DSCAML1: variants seen among roughly 807,000 people sequenced by gnomAD.
The protein encoded by DSCAML1 is cell adhesion molecule DSCAML1.
Under a neutral mutation model 200.5 loss-of-function variants are expected in DSCAML1, and 38 were observed. The observed-to-expected ratio is 0.19, with a 90% CI of 0.15 to 0.25. The LOEUF (loss-of-function observed/expected upper bound fraction) is 0.25. Among genes scored for constraint, DSCAML1 ranks in the 10% least tolerant of loss-of-function variants. The pLI is 1.00. For synonymous variants in DSCAML1, 1,215 were observed against 1,165.0 expected, an observed-to-expected ratio of 1.04 and a Z score of -0.87; for missense variants, 2,223 against 2,858.8, an observed-to-expected ratio of 0.78 and a Z score of 5.07.
chr11:117,626,585 G>T (rs2052051392), intron 3 of DSCAML1, among the ~76,000 whole-genome samples: 1 of 152,152 alleles, frequency 6.6e-6, no homozygotes, highest in Non-Finnish European at 1.5e-5. Flanking sequence ...AAGGGTGCTG[G>T]TCATGCTGCC....
rs569012201 is a variant in DSCAML1 at position 117,690,991 on chromosome 11, G to A, written c.511+85800C>T. ...GCCAGAAAACCTCCCTAGGGCTCCC[G>A]TGACACATGCGTTTGGCCCTTCGAG... On this transcript the variant is annotated intron_variant, in intron 3 of 32. Transcript: ENST00000651296. Among the ~76,000 whole-genome samples the A allele has an allele frequency of 7.9e-5, 12 of 152,268 alleles. No individual in the cohort carries two copies. In the East Asian group the frequency reaches 1.9e-3, roughly 24 times the overall value.
At chr11:117,513,783 G>C (rs1000515611) in intron 8 of DSCAML1, among the ~76,000 whole-genome samples, 5 of 148,586 alleles carry the variant, frequency 3.4e-5, no homozygotes, top group Admixed American at 6.7e-5. Context: ...TGGGCTCAAA[G>C]TGAGGTTTCC....
intron 14 of DSCAML1, among the ~76,000 whole-genome samples, chr11:117,474,558 C>T (rs535330600): frequency 9.9e-5 from 15 of 152,256 alleles, no homozygotes; most frequent in Admixed American, 6.5e-4. Flanking sequence ...TTTTAGTTGA[C>T]GGCTCATCTT....
At chr11:117,734,903 G>A (rs2054291302) in intron 3 of DSCAML1, among the ~76,000 whole-genome samples, 1 of 152,200 alleles carries the variant, frequency 6.6e-6, no homozygotes. Flanking sequence ...AAAGCCAGGG[G>A]CGGAGCTGCT....
At chr11:117,610,198 A>G (rs1474539800) in intron 3 of DSCAML1, among the ~76,000 whole-genome samples, 2 of 152,200 alleles carry the variant, frequency 1.3e-5, no homozygotes, top group African/African-American at 2.4e-5. Context: ...CTTAATGCCA[A>G]CAAGACACTC....
intron 3 of DSCAML1, among the ~76,000 whole-genome samples, chr11:117,723,970 G>A (rs2054079852): frequency 6.6e-6 from 1 of 152,240 alleles, no homozygotes; most frequent in Non-Finnish European, 1.5e-5. Context: ...CAGACAGAGA[G>A]GAAGGGAGCA....
At chr11:117,737,887 G>A (rs2054348430) in intron 3 of DSCAML1, among the ~76,000 whole-genome samples, 2 of 152,202 alleles carry the variant, frequency 1.3e-5, no homozygotes, top group Admixed American at 1.3e-4. Context: ...AGTCCAGTGT[G>A]GTTGTGACAG....
chr11:117,439,581 G>A (rs1222704391), intron 22 of DSCAML1, 152 bp from the exon 23 acceptor site: 1 of 1,116,920 alleles, frequency 9.0e-7, no homozygotes, highest in African/African-American at 1.6e-5. Context: ...ACTCCCTGGG[G>A]GTATGAGGTA....
At position 117,780,938 on chromosome 11, in the gene DSCAML1, T is replaced by G; in HGVS notation, c.47-128A>C. On this transcript the variant is annotated intron_variant, in intron 1 of 32. Transcript: ENST00000651296. This position sits in a 1 kb window ranked among gnomAD's most constrained non-coding sequence, Gnocchi z 4.8. ...CAAGCATCAGTCATTCAGTATGCAC[T>G]TATTGAGCACTGACTATACACCAGG... 1.5e-6 allele frequency: 1 copy of G among 685,806 alleles called. No individual in the cohort carries two copies. The highest frequency in any genetic ancestry group is 3.6e-5 in the South Asian group (1 of 28,116). The allele number at this position is 685,806 out of a possible 1,614,324, so 42.5% of individuals were successfully genotyped here. A position where few individuals can be genotyped will look rare whatever the true frequency, so the allele number is the denominator to read the frequency against.
intron 3 of DSCAML1, among the ~76,000 whole-genome samples, chr11:117,689,247 C>T (rs918273855): frequency 1.3e-5 from 2 of 152,210 alleles, no homozygotes; most frequent in Admixed American, 6.5e-5. Context: ...ATAAGCAGAG[C>T]TGTTTGCGTG....
intron 3 of DSCAML1, among the ~76,000 whole-genome samples, chr11:117,646,942 G>A (rs750257253): frequency 6.6e-6 from 1 of 152,118 alleles, no homozygotes; most frequent in Non-Finnish European, 1.5e-5. Context: ...CAGACTGATC[G>A]TGACGTGAGT....
intron 3 of DSCAML1, among the ~76,000 whole-genome samples, chr11:117,536,482 C>CG (rs988948594): frequency 1.3e-5 from 2 of 152,200 alleles, no homozygotes; most frequent in African/African-American, 4.8e-5. Context: ...CCAGTACCTC[C>CG]GGGTCCAGCA....
intron 19 of DSCAML1, among the ~76,000 whole-genome samples, chr11:117,454,900 A>AGTGAG (rs1423826997): frequency 1.3e-5 from 2 of 152,154 alleles, no homozygotes; most frequent in African/African-American, 4.8e-5. Flanking sequence ...CTCACCTCTA[A>AGTGAG]GTGAGGGGGA....
chr11:117,680,579 T>G lies in DSCAML1; in HGVS notation c.511+96212A>C, dbSNP rs2053293565. Reference sequence around the variant, plus strand: ...GAGAACTGACTCAGGCTGGGGTCCATGATAAGGCAGCCAGCAGAGCAGCCT... The same window carrying G: ...GAGAACTGACTCAGGCTGGGGTCCAGGATAAGGCAGCCAGCAGAGCAGCCT... On this transcript the variant is annotated intron_variant, in intron 3 of 32. Coordinates refer to ENST00000651296, the MANE Select transcript of DSCAML1 (RefSeq NM_020693.4). 2.6e-5 allele frequency among the ~76,000 whole-genome samples: 4 copies of G among 152,206 alleles called. No homozygotes were observed. In the South Asian group the frequency reaches 8.3e-4, roughly 31 times the overall value.
intron 3 of DSCAML1, among the ~76,000 whole-genome samples, chr11:117,551,065 C>T (rs1467961361): frequency 6.6e-6 from 1 of 152,156 alleles, no homozygotes; most frequent in African/African-American, 2.4e-5. Context: ...CCTGCCCCCT[C>T]TTCTCAGGAT....
intron 3 of DSCAML1, among the ~76,000 whole-genome samples, chr11:117,587,187 C>T (rs1156713797): frequency 6.6e-6 from 1 of 151,756 alleles, no homozygotes; most frequent in African/African-American, 2.4e-5. Context: ...CTCCTAGTAA[C>T]TGAAATAGCT....
intron 3 of DSCAML1, among the ~76,000 whole-genome samples, chr11:117,609,909 C>T (rs575246993): frequency 6.6e-6 from 1 of 152,150 alleles, no homozygotes; most frequent in African/African-American, 2.4e-5. Flanking sequence ...CCATGGCCAT[C>T]ATGGTAGAAA....
At chr11:117,732,180 G>A (rs2137819995) in intron 3 of DSCAML1, among the ~76,000 whole-genome samples, 1 of 152,298 alleles carries the variant, frequency 6.6e-6, no homozygotes, top group East Asian at 1.9e-4. Context: ...GAGCCTCCAT[G>A]GTGCACAGGT....
At chr11:117,674,319 A>G (rs1259625886) in intron 3 of DSCAML1, among the ~76,000 whole-genome samples, 1 of 152,134 alleles carries the variant, frequency 6.6e-6, no homozygotes, top group African/African-American at 2.4e-5. Flanking sequence ...CTAGGTGGAC[A>G]CTGGGGTGGA....
Sources: gnomAD v4.1 joint callset for allele counts (sites outside exome capture counted in the v4.1 genomes callset) on GRCh38, gnomAD v4.1.1 for gene constraint, Gnocchi (gnomAD v3.1) non-coding constraint, MANE v1.5 for transcripts, NCBI Gene and HGNC (gene_info 2026-07-23, HGNC 2026-07-21) for gene names.